Variants in GGCT observed in about 807,000 individuals in gnomAD.
GGCT encodes gamma-glutamylcyclotransferase.
GGCT carries 20 observed loss-of-function variants against 22.1 expected under a neutral mutation model. The ratio of observed to expected loss-of-function variants is 0.91; its 90% CI spans 0.64 to 1.32. The LOEUF is 1.32. Among genes scored for constraint, GGCT ranks in the 40% most tolerant of loss-of-function variants. The pLI, the probability that GGCT is intolerant of heterozygous loss-of-function variation, is 0.00. For missense variants in GGCT, 209 were observed against 223.5 expected, an observed-to-expected ratio of 0.94 and a Z score of 0.41; for synonymous variants, 72 against 78.4, an observed-to-expected ratio of 0.92 and a Z score of 0.43.
At chr7:30,503,083 C>G (rs1403281154) in intron 1 of GGCT, among the ~76,000 whole-genome samples, 1 of 152,092 alleles carries the variant, frequency 6.6e-6, no homozygotes, top group Non-Finnish European at 1.5e-5. Flanking sequence ...AGATGCTGTT[C>G]CCTGTTTTGT....
At chr7:30,503,919 C>A (rs775677670) in intron 1 of GGCT, among the ~76,000 whole-genome samples, 3 of 150,842 alleles carry the variant, frequency 2.0e-5, no homozygotes, top group Non-Finnish European at 4.4e-5. Flanking sequence ...ATCTATTGCA[C>A]CTCTGTCCTA....
At chr7:30,499,310 G>A (rs1480709046) in intron 2 of GGCT, among the ~76,000 whole-genome samples, 3 of 151,980 alleles carry the variant, frequency 2.0e-5, no homozygotes, top group African/African-American at 7.3e-5. Context: ...AATAGGCTGA[G>A]GCTAGAGAAT....
In GGCT at chr7:30,498,809, A is replaced by G; in HGVS notation, c.417T>C (p.Tyr139=). Residue 139 remains tyrosine (Y), a synonymous_variant, in exon 3 of 4, where the codon TAT becomes TAC. Coordinates refer to ENST00000275428, the MANE Select transcript of GGCT (RefSeq NM_024051.4). The part of the protein sequence containing the change: ...NYESAPPSPQ[Y]KKIICMGAKE... The stretch of plus-strand genomic sequence containing the variant: ...CAGTCTGTAAATAGCTTACCTTTTT[A>G]TACTGTGGGGATGGGGGAGCACTTT... The G allele has an allele frequency of 3.1e-6, 5 of 1,612,348 alleles. No homozygotes were observed. The highest frequency in any genetic ancestry group is 4.2e-6 in the Non-Finnish European group (5 of 1,178,460).
Position 30,496,849 on chromosome 7 carries a change from A to G in GGCT, c.*243T>C, listed in dbSNP as rs1360045898. On this transcript the variant is annotated 3_prime_UTR_variant, in exon 4 of 4. Coordinates refer to ENST00000275428, the MANE Select transcript of GGCT (RefSeq NM_024051.4). ...CAAGAGAATAGCTTTCAGTGTTCAC[A>G]GAAGGGGTACTCACATTCATTTGTC... 1 of 294,528 alleles carries G rather than the reference A, an allele frequency of 3.4e-6. No individual in the cohort carries two copies. Among genetic ancestry groups the G allele is most frequent in the Non-Finnish European group, 6.2e-6 (1 of 160,306 alleles). The allele number at this position is 294,528 out of a possible 1,614,324, so 18.2% of individuals were successfully genotyped here. A position where few individuals can be genotyped will look rare whatever the true frequency, so the allele number is the denominator to read the frequency against.
At chr7:30,504,449 G>A in intron 1 of GGCT, 120 bp downstream of exon 1, 1 of 1,170,318 alleles carries the variant, frequency 8.5e-7, no homozygotes, top group Non-Finnish European at 1.2e-6. Context: ...CGGAAGCCGC[G>A]TCCTAGTACC....
At chr7:30,500,748 A>C in intron 1 of GGCT, 67 bp from the exon 2 acceptor site, 1 of 1,362,110 alleles carries the variant, frequency 7.3e-7, no homozygotes, top group Non-Finnish European at 1.0e-6. Flanking sequence ...ATCAAAATAA[A>C]AAGGATTTAC....
rs1464927798 is a variant in GGCT at position 30,497,090 on chromosome 7, T to G, written c.*2A>C. The G allele has an allele frequency of 3.2e-6, 5 of 1,576,148 alleles. No individual in the cohort carries two copies. Among genetic ancestry groups the G allele is most frequent in the Non-Finnish European group, 4.3e-6 (5 of 1,149,836 alleles). ...ATACCCTTAGATATATTCTGTTATG[T>G]TCTAAAGAGTTTGTGTTTCCCCCTT... On this transcript the variant is annotated 3_prime_UTR_variant, in exon 4 of 4. Coordinates refer to ENST00000275428, the MANE Select transcript of GGCT (RefSeq NM_024051.4).
intron 2 of GGCT, among the ~76,000 whole-genome samples, chr7:30,499,747 A>G (rs1789655077): frequency 6.6e-6 from 1 of 152,090 alleles, no homozygotes. Flanking sequence ...TAGCATTTCA[A>G]TTAGAAGGCC....
chr7:30,500,873 T>A (rs958160851), intron 1 of GGCT, among the ~76,000 whole-genome samples, 192 bp from the exon 2 acceptor site: 4 of 152,242 alleles, frequency 2.6e-5, no homozygotes, highest in South Asian at 2.1e-4. Context: ...TTACGTTTTT[T>A]AAATATTTTT....
intron 1 of GGCT, among the ~76,000 whole-genome samples, chr7:30,503,276 C>T (rs1789744479): frequency 2.6e-5 from 4 of 152,194 alleles, no homozygotes; most frequent in Admixed American, 2.6e-4. Context: ...AATATCTCTT[C>T]CCCTTGCCCT....
At chr7:30,497,759 C>G in intron 3 of GGCT, 1 of 1,437,176 alleles carries the variant, frequency 7.0e-7, no homozygotes, top group African/African-American at 1.4e-5. Context: ...GGTGCCATGA[C>G]CTGATTGGGC....
At chr7:30,501,438 AACAACTTTCTTATACCC>A (rs1458457794) in intron 1 of GGCT, among the ~76,000 whole-genome samples, 1 of 152,208 alleles carries the variant, frequency 6.6e-6, no homozygotes, top group Non-Finnish European at 1.5e-5. Context: ...TTATTTTGCT[AACAACTTTCTTATACCC>A]ATTTTACAGC....
chr7:30,500,785 C>A, intron 1 of GGCT, 104 bp from the exon 2 acceptor site: 1 of 803,142 alleles, frequency 1.2e-6, no homozygotes, highest in Non-Finnish European at 2.0e-6. Flanking sequence ...TTAAAACAGT[C>A]AATAAACTGA....
At chr7:30,497,804 G>A in intron 3 of GGCT, 3 of 1,463,330 alleles carry the variant, frequency 2.1e-6, no homozygotes, top group South Asian at 1.4e-5. Context: ...GTTCTGAACA[G>A]GAATTTTGGG....
At chr7:30,497,539 A>AG in intron 3 of GGCT, 1 of 389,168 alleles carries the variant, frequency 2.6e-6, no homozygotes. Flanking sequence ...CCTTTTAAGA[A>AG]AAAAAATACC....
Position 30,498,809 on chromosome 7 carries a change from A to C in GGCT, c.417T>G (p.Tyr139Ter). Reference protein sequence around the residue: ...NYESAPPSPQYKKIICMGAKE... With the variant: ...NYESAPPSPQ ...CAGTCTGTAAATAGCTTACCTTTTT[A>C]TACTGTGGGGATGGGGGAGCACTTT... Residue 139 changes from tyrosine to a stop codon, truncating the protein, a stop_gained, in exon 3 of 4, where the codon TAT becomes TAG. Coordinates refer to ENST00000275428, the MANE Select transcript of GGCT (RefSeq NM_024051.4). LOFTEE classifies it high-confidence loss of function. 6.2e-7 allele frequency: 1 copy of C among 1,612,348 alleles called. No homozygotes were observed. Among genetic ancestry groups the C allele is most frequent in the Non-Finnish European group, 8.5e-7 (1 of 1,178,460 alleles).
rs1789796766 is a variant in GGCT at position 30,504,780 on chromosome 7, C to A, written c.-71G>T. ...ACGGCCAGAGAGCGCAACACTGGGGCCCACTACCCCGGCGCAGTGACCGCC... is the reference window on the plus strand; with the variant it reads ...ACGGCCAGAGAGCGCAACACTGGGGACCACTACCCCGGCGCAGTGACCGCC... On this transcript the variant is annotated 5_prime_UTR_variant, in exon 1 of 4. Coordinates refer to ENST00000275428, the MANE Select transcript of GGCT (RefSeq NM_024051.4). The A allele has an allele frequency of 6.7e-7, 1 of 1,487,210 alleles. No homozygotes were observed. Among genetic ancestry groups the A allele is most frequent in the Middle Eastern group, 1.7e-4 (1 of 5,774 alleles). 92.1% of individuals were successfully genotyped at this position (1,487,210 alleles called of 1,614,324 possible).
intron 3 of GGCT, 124 bp downstream of exon 3, chr7:30,498,679 A>T (rs1438394644): frequency 2.4e-6 from 2 of 830,076 alleles, no homozygotes; most frequent in East Asian, 4.9e-5. Flanking sequence ...CCAGCCTTCC[A>T]AAGTGGTGGC....
chr7:30,497,737 T>C (rs772323196), intron 3 of GGCT: 2 of 1,371,442 alleles, frequency 1.5e-6, no homozygotes, highest in East Asian at 2.8e-5. Flanking sequence ...AGGAACCAGA[T>C]TACCTATTAC....
Sources: gnomAD v4.1 joint callset for allele counts (sites outside exome capture counted in the v4.1 genomes callset) on GRCh38, gnomAD v4.1.1 for gene constraint, MANE v1.5 for transcripts, NCBI Gene and HGNC (gene_info 2026-07-23, HGNC 2026-07-21) for gene names.